LPAR1: variants seen among roughly 807,000 people sequenced by gnomAD.
LPAR1 encodes the protein LPA receptor 1.
Under a neutral mutation model 23.8 loss-of-function variants are expected in LPAR1, and 5 were observed. The ratio of observed to expected loss-of-function variants is 0.21; its 90% CI spans 0.11 to 0.44. The LOEUF is 0.44. Ranked by LOEUF, LPAR1 falls within the 20% of genes least tolerant of loss-of-function variation. The probability of loss-of-function intolerance (pLI) is 0.99; values close to 1 mark genes in which losing one functional copy is unlikely to be tolerated. For synonymous variants in LPAR1, 160 were observed against 164.7 expected, an observed-to-expected ratio of 0.97 and a Z score of 0.22; for missense variants, 311 against 482.8, an observed-to-expected ratio of 0.64 and a Z score of 3.33.
At position 110,957,352 on chromosome 9, in the gene LPAR1, AT is replaced by A. The variant is rs200169312; in HGVS notation, c.45+14720del. 8.8e-3 allele frequency among the ~76,000 whole-genome samples: 1,189 copies of A among 135,230 alleles called. 17 individuals carry two copies. The highest frequency in any genetic ancestry group is 0.029 in the African/African-American group (1,080 of 37,072). 88.7% of individuals were successfully genotyped at this position (135,230 alleles called of 152,430 possible). A position where few individuals can be genotyped will look rare whatever the true frequency, so the allele number is the denominator to read the frequency against. On this transcript the variant is annotated intron_variant, in intron 4 of 5. Transcript: ENST00000683809. ...GATACTCTGTCTCAAAAAAAAAAAA[AT>A]AATAATAATAATAATAATGCACCAT...
intron 5 of LPAR1, among the ~76,000 whole-genome samples, chr9:110,912,459 T>G (rs1360343909): frequency 6.6e-6 from 1 of 152,214 alleles, no homozygotes; most frequent in Non-Finnish European, 1.5e-5. Context: ...GGCAAAGACC[T>G]TTTGGCTGAC....
intron 4 of LPAR1, among the ~76,000 whole-genome samples, chr9:110,948,313 A>G (rs1021218626): frequency 2.0e-5 from 3 of 152,234 alleles, no homozygotes; most frequent in Non-Finnish European, 4.4e-5. Context: ...TTTTGTCACA[A>G]TAACTAGAAA....
intron 5 of LPAR1, among the ~76,000 whole-genome samples, chr9:110,922,842 T>TTATTA (rs1056945311): frequency 4.1e-5 from 6 of 147,722 alleles, no homozygotes; most frequent in Non-Finnish European, 8.9e-5. Context: ...ATTATTATTA[T>TTATTA]TATTATTATT....
intron 2 of LPAR1, among the ~76,000 whole-genome samples, chr9:111,013,089 C>T (rs2097366078): frequency 1.3e-5 from 2 of 152,248 alleles, no homozygotes; most frequent in African/African-American, 2.4e-5. Context: ...AAAATACATT[C>T]AAGGATTTTT....
At chr9:111,010,285 G>T (rs945298471) in intron 2 of LPAR1, among the ~76,000 whole-genome samples, 1 of 151,970 alleles carries the variant, frequency 6.6e-6, no homozygotes, top group Admixed American at 6.6e-5. Flanking sequence ...AGAAATTATA[G>T]GAGAATGTTA....
At chr9:110,909,836 C>T (rs938560503) in intron 5 of LPAR1, among the ~76,000 whole-genome samples, 1 of 149,300 alleles carries the variant, frequency 6.7e-6, no homozygotes, top group African/African-American at 2.5e-5. Flanking sequence ...ACCTCTGTTT[C>T]CTGGGCTCAA....
At chr9:110,875,744 T>A in intron 5 of LPAR1, 22 bp from the exon 6 acceptor site, 2 of 1,387,124 alleles carry the variant, frequency 1.4e-6, no homozygotes, top group Non-Finnish European at 1.9e-6. Flanking sequence ...AGGATAGGGA[T>A]CAGAAGGATT....
chr9:111,002,410 G>A (rs545136792), intron 2 of LPAR1, among the ~76,000 whole-genome samples: 16 of 152,230 alleles, frequency 1.1e-4, no homozygotes, highest in Admixed American at 8.5e-4. Flanking sequence ...AGTAAATCAC[G>A]GTAATATGTG....
chr9:111,004,386 G>A (rs920836939), intron 2 of LPAR1, among the ~76,000 whole-genome samples: 3 of 151,878 alleles, frequency 2.0e-5, no homozygotes, highest in South Asian at 2.1e-4. Context: ...CTTCTCTCTC[G>A]TTCCCCTACC....
chr9:111,002,843 TAAA>T (rs2097152936), intron 2 of LPAR1, among the ~76,000 whole-genome samples: 1 of 152,102 alleles, frequency 6.6e-6, no homozygotes, highest in African/African-American at 2.4e-5. Context: ...AACTTCTCTT[TAAA>T]ATATGAAGGG....
chr9:110,900,356 T>C (rs1193353618), intron 5 of LPAR1, among the ~76,000 whole-genome samples: 3 of 152,320 alleles, frequency 2.0e-5, no homozygotes, highest in African/African-American at 4.8e-5. Flanking sequence ...ATCTGAAAAG[T>C]ATCTTTTTGT....
chr9:111,036,539 C>A (rs2097899153), intron 1 of LPAR1, among the ~76,000 whole-genome samples: 3 of 152,132 alleles, frequency 2.0e-5, no homozygotes, highest in African/African-American at 4.8e-5. Flanking sequence ...AACCTCCCAC[C>A]GGTTTCTCGC....
intron 5 of LPAR1, among the ~76,000 whole-genome samples, chr9:110,898,286 C>T (rs1298470864): frequency 6.6e-6 from 1 of 152,162 alleles, no homozygotes; most frequent in Non-Finnish European, 1.5e-5. Context: ...TTCCCAGTAG[C>T]TTTGGAATTA....
intron 1 of LPAR1, among the ~76,000 whole-genome samples, 188 bp from the exon 2 acceptor site, chr9:111,036,389 A>G (rs1046895145): frequency 4.6e-5 from 7 of 152,138 alleles, no homozygotes; most frequent in African/African-American, 1.4e-4. Flanking sequence ...AAAAAAAAAA[A>G]AAAAGAGGAA....
At chr9:111,029,290 C>CT (rs763537610) in intron 2 of LPAR1, among the ~76,000 whole-genome samples, 1 of 152,194 alleles carries the variant, frequency 6.6e-6, no homozygotes. Flanking sequence ...AAATCTCTGC[C>CT]TGCATGGTTT....
At chr9:111,001,905 A>G (rs899755224) in intron 2 of LPAR1, among the ~76,000 whole-genome samples, 3 of 152,212 alleles carry the variant, frequency 2.0e-5, no homozygotes, top group Admixed American at 6.5e-5. Context: ...TAAAAATAAT[A>G]CATACAGCTT....
At chr9:111,011,687 A>G (rs1400397024) in intron 2 of LPAR1, among the ~76,000 whole-genome samples, 2 of 152,196 alleles carry the variant, frequency 1.3e-5, no homozygotes, top group Admixed American at 6.5e-5. Flanking sequence ...TTCAAGGATG[A>G]CACCTAAAAC....
intron 5 of LPAR1, among the ~76,000 whole-genome samples, chr9:110,928,375 A>G (rs1038341652): frequency 3.3e-5 from 5 of 152,216 alleles, no homozygotes; most frequent in African/African-American, 1.2e-4. Flanking sequence ...TCACTACGCT[A>G]ATATAACATA....
intron 4 of LPAR1, among the ~76,000 whole-genome samples, chr9:110,951,239 T>C (rs757965950): frequency 1.3e-4 from 20 of 152,046 alleles, no homozygotes; most frequent in Non-Finnish European, 2.5e-4. Flanking sequence ...TGAAAAAATA[T>C]ATTTATAAGC....
Sources: gnomAD v4.1 joint callset for allele counts (sites outside exome capture counted in the v4.1 genomes callset) on GRCh38, gnomAD v4.1.1 for gene constraint, MANE v1.5 for transcripts, NCBI Gene and HGNC (gene_info 2026-07-23, HGNC 2026-07-21) for gene names.